The following LRBA variants were observed in gnomAD, a reference collection of about 807,000 sequenced individuals.
LRBA encodes LPS responsive beige-like anchor protein.
A neutral mutation model predicts 330.0 loss-of-function variants in LRBA; 176 were observed. That is an observed-to-expected ratio of 0.53 (90% confidence interval 0.47 to 0.60). LRBA has a LOEUF of 0.60. Ranked by LOEUF, LRBA falls within the 20% of genes least tolerant of loss-of-function variation. The pLI is 0.00. For synonymous variants in LRBA, 1,230 were observed against 1,193.0 expected (o/e 1.03, Z -0.64); for missense variants, 3,259 against 3,444.8 (o/e 0.95, Z 1.35).
At chr4:150,974,345 C>T (rs1378217124) in intron 2 of LRBA, among the ~76,000 whole-genome samples, 2 of 151,954 alleles carry the variant, frequency 1.3e-5, no homozygotes, top group East Asian at 3.9e-4. Context: ...AGTAGTGGTC[C>T]CTTTGAGTAT....
chr4:150,342,206 T>C (rs977765631), intron 48 of LRBA, among the ~76,000 whole-genome samples: 3 of 152,086 alleles, frequency 2.0e-5, no homozygotes, highest in African/African-American at 7.2e-5. Context: ...AATAAGATTG[T>C]GTTTGAAAGA....
intron 40 of LRBA, among the ~76,000 whole-genome samples, chr4:150,548,298 G>T (rs952819705): frequency 7.2e-5 from 11 of 152,062 alleles, no homozygotes; most frequent in Non-Finnish European, 1.5e-4. Context: ...CTTCTGTCCC[G>T]CCACAGTGCA....
rs6855640 is a variant in LRBA at position 150,924,460 on chromosome 4, C to T, written c.550-3167G>A. 4.1e-3 allele frequency among the ~76,000 whole-genome samples: 626 copies of T among 151,864 alleles called. 6 individuals carry two copies. The highest frequency in any genetic ancestry group is 0.014 in the African/African-American group (597 of 41,410). On this transcript the variant is annotated intron_variant, in intron 4 of 56. Coordinates refer to ENST00000651943, the MANE Select transcript of LRBA (RefSeq NM_001364905.1). ...CCAGGAGGCAGAGGTTGCAGGCAGC[C>T]GAGATAGCACCACTGTACTCCAACC... is the stretch of plus-strand genomic sequence containing the variant.
chr4:150,643,810 T>G (rs1376027476), intron 37 of LRBA, among the ~76,000 whole-genome samples: 1 of 151,962 alleles, frequency 6.6e-6, no homozygotes, highest in East Asian at 1.9e-4. Context: ...AAAAAGATAT[T>G]TCATGATGTG....
intron 17 of LRBA, among the ~76,000 whole-genome samples, chr4:150,873,476 G>A (rs1026953520): frequency 5.9e-5 from 9 of 152,140 alleles, no homozygotes; most frequent in Admixed American, 1.3e-4. Context: ...CTCTAATCCA[G>A]CTTCTCGGGA....
chr4:150,454,655 T>C (rs1055052468), intron 44 of LRBA, among the ~76,000 whole-genome samples: 3 of 152,138 alleles, frequency 2.0e-5, no homozygotes, highest in East Asian at 1.9e-4. Flanking sequence ...AGTTATATAG[T>C]AGTGAAGTCT....
intron 36 of LRBA, among the ~76,000 whole-genome samples, chr4:150,730,535 T>C (rs1730299875): frequency 6.6e-6 from 1 of 151,340 alleles, no homozygotes; most frequent in Non-Finnish European, 1.5e-5. Context: ...ATACAAAAAT[T>C]AGCTAGGCAT....
intron 37 of LRBA, among the ~76,000 whole-genome samples, chr4:150,658,482 G>A (rs1561480940): frequency 7.7e-6 from 1 of 130,220 alleles, no homozygotes; most frequent in African/African-American, 2.8e-5. Flanking sequence ...CTCAAAACTT[G>A]AAAAACCTAT....
intron 2 of LRBA, among the ~76,000 whole-genome samples, chr4:150,952,661 G>C (rs1261508465): frequency 1.3e-5 from 2 of 152,008 alleles, no homozygotes; most frequent in African/African-American, 4.8e-5. Flanking sequence ...GCGTGGGGTG[G>C]GCGGGGTGGA....
chr4:150,517,402 T>C (rs1762466195), intron 40 of LRBA, among the ~76,000 whole-genome samples: 1 of 152,068 alleles, frequency 6.6e-6, no homozygotes, highest in Non-Finnish European at 1.5e-5. Flanking sequence ...GCAGCCATAG[T>C]CCCAGCTACT....
At chr4:150,430,834 T>C (rs1750286208) in intron 46 of LRBA, among the ~76,000 whole-genome samples, 1 of 152,138 alleles carries the variant, frequency 6.6e-6, no homozygotes, top group Non-Finnish European at 1.5e-5. Context: ...GGGATGACAT[T>C]TATGATTCCT....
chr4:150,498,461 GT>G (rs1347431617), intron 40 of LRBA, among the ~76,000 whole-genome samples: 3 of 152,000 alleles, frequency 2.0e-5, no homozygotes, highest in African/African-American at 7.3e-5. Flanking sequence ...TTTTAATTCA[GT>G]TTTTAAAATT....
At chr4:150,487,868 G>A (rs374838136) in intron 41 of LRBA, 34 bp from the exon 42 acceptor site, 9 of 1,204,996 alleles carry the variant, frequency 7.5e-6, no homozygotes, top group Non-Finnish European at 1.1e-5. Context: ...TTAGAACACA[G>A]TATAACTTCC....
At chr4:150,430,993 G>A (rs949235257) in intron 46 of LRBA, among the ~76,000 whole-genome samples, 8 of 151,906 alleles carry the variant, frequency 5.3e-5, no homozygotes, top group Admixed American at 2.6e-4. Context: ...AAGAGAAGGG[G>A]AAAAAATCAA....
intron 2 of LRBA, among the ~76,000 whole-genome samples, chr4:150,985,689 G>A (rs1295172757): frequency 1.3e-5 from 2 of 151,812 alleles, no homozygotes; most frequent in Admixed American, 6.6e-5. Flanking sequence ...TATTAGAGAC[G>A]GGATTTCATC....
chr4:150,674,548 C>T (rs543450933), intron 37 of LRBA, among the ~76,000 whole-genome samples: 2 of 152,158 alleles, frequency 1.3e-5, no homozygotes, highest in East Asian at 3.9e-4. Context: ...AAATCCCTGG[C>T]AAATTGTAAA....
intron 28 of LRBA, among the ~76,000 whole-genome samples, chr4:150,839,560 A>C (rs983964768): frequency 2.6e-5 from 4 of 152,220 alleles, no homozygotes; most frequent in African/African-American, 9.6e-5. Context: ...TGCAGCCATA[A>C]AAAAGGATGA....
In LRBA at chr4:150,350,098, T is replaced by C. The variant is rs376374926; in HGVS notation, c.7256A>G (p.Tyr2419Cys). Residue 2419 changes from tyrosine (Y) to cysteine (C), a missense_variant, in exon 48 of 57, where the codon TAT (tyrosine) becomes TGT (cysteine). Physicochemically the swap from Tyr to Cys is radical, Grantham distance 194. Transcript: ENST00000651943. ...LHQWIDLIFG[Y>C]KQQGPEAVRA... is the part of the protein sequence containing the mutation. ...GACAGCTTCTGGTCCTTGCTGTTTA[T>C]AGCCAAAAATGAGATCAATCCATTG... is the stretch of plus-strand genomic sequence containing the variant. The C allele has an allele frequency of 6.2e-7, 1 of 1,606,764 alleles. No homozygotes were observed. The highest frequency in any genetic ancestry group is 1.3e-5 in the African/African-American group (1 of 74,246).
At chr4:150,941,272 C>T (rs1478703550) in intron 2 of LRBA, among the ~76,000 whole-genome samples, 1 of 152,054 alleles carries the variant, frequency 6.6e-6, no homozygotes, top group Non-Finnish European at 1.5e-5. Flanking sequence ...CCTGCCTCAG[C>T]CTCCCGAGTA....
Sources: gnomAD v4.1 joint callset for allele counts (sites outside exome capture counted in the v4.1 genomes callset) on GRCh38, gnomAD v4.1.1 for gene constraint, MANE v1.5 for transcripts, NCBI Gene and HGNC (gene_info 2026-07-23, HGNC 2026-07-21) for gene names.